SNX29: variants seen among roughly 807,000 people sequenced by gnomAD.
The protein encoded by SNX29 is sorting nexin 29.
A neutral mutation model predicts 102.1 loss-of-function variants in SNX29; 78 were observed. The ratio of observed to expected loss-of-function variants is 0.76; its 90% CI spans 0.64 to 0.92. The LOEUF is 0.92. Among genes scored for constraint, SNX29 ranks in the 40% least tolerant of loss-of-function variants. The probability of loss-of-function intolerance (pLI) is 0.00; values close to 1 mark genes in which losing one functional copy is unlikely to be tolerated. For missense variants in SNX29, 1,280 were observed against 1,061.7 expected (o/e 1.21, Z -2.86); for synonymous variants, 580 against 414.5 (o/e 1.40, Z -4.85).
chr16:12,285,737 C>G (rs987415110), intron 15 of SNX29, among the ~76,000 whole-genome samples: 9 of 152,280 alleles, frequency 5.9e-5, no homozygotes, highest in African/African-American at 2.2e-4. Context: ...ATAAGAGCAG[C>G]ATGGGCTTTT....
At chr16:12,047,877 G>A (rs546220767) in intron 6 of SNX29, among the ~76,000 whole-genome samples, 13 of 151,856 alleles carry the variant, frequency 8.6e-5, no homozygotes, top group Non-Finnish European at 1.5e-4. Flanking sequence ...GGCTGGTCTC[G>A]AACTCCTGAC....
chr16:12,241,853 T>C (rs529513121), intron 14 of SNX29, among the ~76,000 whole-genome samples: 6 of 152,336 alleles, frequency 3.9e-5, no homozygotes, highest in African/African-American at 1.4e-4. Flanking sequence ...TCTCTCCTTA[T>C]GGCTAGAGGA....
chr16:12,210,954 A>G (rs1354063332), intron 14 of SNX29, among the ~76,000 whole-genome samples: 4 of 152,098 alleles, frequency 2.6e-5, no homozygotes. Context: ...TTTCACCTGC[A>G]ACCCTGTTTT....
intron 15 of SNX29, among the ~76,000 whole-genome samples, chr16:12,293,286 A>T (rs1209372498): frequency 6.6e-6 from 1 of 152,158 alleles, no homozygotes; most frequent in Non-Finnish European, 1.5e-5. Context: ...CAACCTTGCA[A>T]GGTAGGCGGT....
chr16:12,568,618 G>C lies in SNX29; in HGVS notation c.2431G>C (p.Gly811Arg), dbSNP rs373665690. The C allele has an allele frequency of 6.2e-6, 10 of 1,603,518 alleles. No individual in the cohort carries two copies. The East Asian group carries it at 6.7e-5, about 11-fold the overall frequency. ...GACCCGCAACGTGGAGCCCCAGAGCGGTGACCTCTGACCTCGACAAAACCG... is the reference window on the plus strand; with the variant it reads ...GACCCGCAACGTGGAGCCCCAGAGCCGTGACCTCTGACCTCGACAAAACCG... ...RETRNVEPQS[G>R]DL is the part of the protein sequence containing the mutation. The change falls in exon 21 of 21, where the codon GGT becomes CGT. Residue 811 changes from glycine to arginine, a missense_variant. By Grantham distance (125) the Gly-to-Arg change is moderately radical. Transcript: ENST00000566228.
At chr16:11,981,840 A>C (rs1420741851) in intron 1 of SNX29, among the ~76,000 whole-genome samples, 1 of 152,174 alleles carries the variant, frequency 6.6e-6, no homozygotes, top group African/African-American at 2.4e-5. Flanking sequence ...AAAGCCTCAG[A>C]AATGTTAAAA....
intron 15 of SNX29, among the ~76,000 whole-genome samples, chr16:12,349,919 A>AAAGT (rs2081948186): frequency 6.6e-6 from 1 of 152,236 alleles, no homozygotes; most frequent in Non-Finnish European, 1.5e-5. Context: ...TTGCAGAATG[A>AAAGT]TATTTTGCTA....
intron 12 of SNX29, among the ~76,000 whole-genome samples, chr16:12,127,536 G>A (rs985584171): frequency 2.0e-5 from 3 of 151,074 alleles, no homozygotes; most frequent in South Asian, 2.1e-4. Flanking sequence ...ATCCTCCAGC[G>A]TCAGCCTTCT....
At chr16:12,372,268 C>G (rs948237758) in intron 16 of SNX29, among the ~76,000 whole-genome samples, 5 of 152,244 alleles carry the variant, frequency 3.3e-5, no homozygotes, top group African/African-American at 1.2e-4. Context: ...CTTTCACACT[C>G]TTCCAAATCT....
intron 17 of SNX29, among the ~76,000 whole-genome samples, chr16:12,399,572 C>T (rs2151496433): frequency 6.6e-6 from 1 of 152,334 alleles, no homozygotes; most frequent in Middle Eastern, 3.4e-3. Context: ...AAATCTCAGG[C>T]ATCAGTCCAG....
At chr16:12,545,825 C>T (rs1035962589) in intron 20 of SNX29, among the ~76,000 whole-genome samples, 2 of 152,078 alleles carry the variant, frequency 1.3e-5, no homozygotes, top group African/African-American at 4.8e-5. Flanking sequence ...ACTCTCCAGA[C>T]CTGTGGGGGA....
At position 12,568,596 on chromosome 16, in the gene SNX29, C is replaced by G. The variant is rs374983257; in HGVS notation, c.2409C>G (p.Thr803=). ...TGTCCCGGGGTCAGCCCCGGGAGAC[C>G]CGCAACGTGGAGCCCCAGAGCGGTG... ...PKLSRGQPRE[T]RNVEPQSGDL is the part of the protein sequence containing the mutation. Residue 803 remains threonine, a synonymous_variant, in exon 21 of 21, where the codon ACC becomes ACG. Coordinates refer to ENST00000566228, the MANE Select transcript of SNX29 (RefSeq NM_032167.5). 3 of 1,605,874 alleles carry G rather than the reference C, an allele frequency of 1.9e-6. No individual in the cohort carries two copies. The highest frequency in any genetic ancestry group is 2.7e-5 in the African/African-American group (2 of 74,924).
At chr16:12,568,059 T>C (rs1033302026) in intron 20 of SNX29, among the ~76,000 whole-genome samples, 1 of 152,160 alleles carries the variant, frequency 6.6e-6, no homozygotes, top group African/African-American at 2.4e-5. Flanking sequence ...ATTATTTTCT[T>C]AGGATTAATT....
chr16:12,545,179 A>G lies in SNX29; in HGVS notation c.2318+20338A>G, dbSNP rs562407753. On this transcript the variant is annotated intron_variant, in intron 20 of 20. Coordinates refer to ENST00000566228, the MANE Select transcript of SNX29 (RefSeq NM_032167.5). ...ACACTCTGCCAGCCGTCAGAGAAACAAATATGGTCAATACAAAAAAGGAAG... is the reference window on the plus strand; with the variant it reads ...ACACTCTGCCAGCCGTCAGAGAAACGAATATGGTCAATACAAAAAAGGAAG... Among the ~76,000 whole-genome samples, 237 of 152,296 alleles carry G rather than the reference A, an allele frequency of 1.6e-3. 2 individuals carry two copies. The highest frequency in any genetic ancestry group is 3.0e-3 in the Non-Finnish European group (202 of 68,024).
chr16:12,561,968 C>T (rs1053814591), intron 20 of SNX29, among the ~76,000 whole-genome samples: 3 of 152,262 alleles, frequency 2.0e-5, no homozygotes, highest in African/African-American at 7.2e-5. Flanking sequence ...ATGATGTCCC[C>T]AGAGTGTCTA....
At chr16:12,001,346 C>T (rs1006391674) in intron 2 of SNX29, among the ~76,000 whole-genome samples, 17 of 152,204 alleles carry the variant, frequency 1.1e-4, no homozygotes, top group African/African-American at 2.2e-4. Flanking sequence ...CTCCTGACCT[C>T]GGGTGATCCG....
chr16:12,238,371 G>C (rs2078000891), intron 14 of SNX29, among the ~76,000 whole-genome samples: 1 of 150,620 alleles, frequency 6.6e-6, no homozygotes, highest in African/African-American at 2.4e-5. Flanking sequence ...TGGGAGGATC[G>C]CTTGACCACC....
At position 12,286,521 on chromosome 16, in the gene SNX29, A is replaced by G. The variant is rs549131035; in HGVS notation, c.1782+8485A>G. 3.3e-5 allele frequency among the ~76,000 whole-genome samples: 5 copies of G among 151,292 alleles called. No homozygotes were observed. In the South Asian group the frequency reaches 1.1e-3, roughly 32 times the overall value. The stretch of plus-strand genomic sequence containing the variant: ...CACCATGTGAGGTTAATTTTTTTGT[A>G]TTTTTAGTAGAGATGGGGTTTCACC... On this transcript the variant is annotated intron_variant, in intron 15 of 20. Coordinates refer to ENST00000566228, the MANE Select transcript of SNX29 (RefSeq NM_032167.5).
intron 5 of SNX29, among the ~76,000 whole-genome samples, chr16:12,043,913 CA>C (rs1366343553): frequency 5.9e-5 from 9 of 152,116 alleles, no homozygotes; most frequent in African/African-American, 1.9e-4. Flanking sequence ...CCACCATACT[CA>C]GCTAATTTTT....
Sources: allele counts gnomAD v4.1 joint callset (sites outside exome capture counted in the v4.1 genomes callset), GRCh38; gene constraint gnomAD v4.1.1; transcripts MANE v1.5; gene names NCBI Gene and HGNC (gene_info 2026-07-23, HGNC 2026-07-21).